DNAAF10: variants seen among roughly 807,000 people sequenced by gnomAD.
DNAAF10 encodes the protein dynein axonemal assembly factor 10.
Under a neutral mutation model 43.7 loss-of-function variants are expected in DNAAF10, and 28 were observed. The ratio of observed to expected loss-of-function variants is 0.64; its 90% CI spans 0.48 to 0.88. DNAAF10 has a LOEUF of 0.88. DNAAF10 is among the 40% of genes least tolerant of loss of function. DNAAF10 has a pLI of 0.00. For synonymous variants in DNAAF10, 156 were observed against 157.3 expected (o/e 0.99, Z 0.06); for missense variants, 403 against 439.1 (o/e 0.92, Z 0.73).
intron 1 of DNAAF10, among the ~76,000 whole-genome samples, chr2:68,153,818 C>A (rs1246948210): frequency 7.8e-6 from 1 of 128,330 alleles, no homozygotes; most frequent in Non-Finnish European, 1.5e-5. Flanking sequence ...ATGGCGCGAT[C>A]TCGGCTCACT....
chr2:68,153,399 T>G (rs1042069151), intron 1 of DNAAF10, among the ~76,000 whole-genome samples: 1 of 149,252 alleles, frequency 6.7e-6, no homozygotes, highest in African/African-American at 2.5e-5. Context: ...GCACATGACT[T>G]AAGGGTAGAT....
chr2:68,148,442 T>C (rs981571693), intron 1 of DNAAF10, among the ~76,000 whole-genome samples: 7 of 152,238 alleles, frequency 4.6e-5, no homozygotes, highest in Admixed American at 1.3e-4. Context: ...ATCTGGTTCC[T>C]CCAAAATATA....
At chr2:68,145,883 C>A (rs889922755) in intron 2 of DNAAF10, among the ~76,000 whole-genome samples, 5 of 152,180 alleles carry the variant, frequency 3.3e-5, no homozygotes, top group Non-Finnish European at 5.9e-5. Context: ...CAATAACTTA[C>A]AGATTTTTTA....
chr2:68,140,425 G>T (rs1673150294), intron 4 of DNAAF10, among the ~76,000 whole-genome samples: 1 of 152,114 alleles, frequency 6.6e-6, no homozygotes, highest in African/African-American at 2.4e-5. Context: ...TGAAAACTCA[G>T]TCATCTTGGA....
intron 1 of DNAAF10, among the ~76,000 whole-genome samples, chr2:68,155,333 A>T (rs1028662991): frequency 6.6e-6 from 1 of 151,864 alleles, no homozygotes; most frequent in African/African-American, 2.4e-5. Flanking sequence ...CTCTACTAAA[A>T]ATACAAAAAA....
chr2:68,149,668 T>C (rs1232394594), intron 1 of DNAAF10, among the ~76,000 whole-genome samples: 1 of 152,180 alleles, frequency 6.6e-6, no homozygotes, highest in Non-Finnish European at 1.5e-5. Context: ...CCTGAAATAA[T>C]ATATTAACAG....
chr2:68,153,197 A>T (rs972971622), intron 1 of DNAAF10, among the ~76,000 whole-genome samples: 16 of 152,208 alleles, frequency 1.1e-4, no homozygotes, highest in African/African-American at 3.9e-4. Context: ...GCTCAACTGA[A>T]CACGGAGGCC....
At chr2:68,149,301 G>A (rs924552906) in intron 1 of DNAAF10, among the ~76,000 whole-genome samples, 5 of 152,144 alleles carry the variant, frequency 3.3e-5, no homozygotes, top group Non-Finnish European at 2.9e-5. Flanking sequence ...TTGTGATCTA[G>A]ATAAATTGGA....
intron 1 of DNAAF10, among the ~76,000 whole-genome samples, chr2:68,156,026 G>A (rs1673594612): frequency 6.6e-6 from 1 of 150,806 alleles, no homozygotes; most frequent in African/African-American, 2.4e-5. Flanking sequence ...AGGCTGAGGT[G>A]GGGAGGCGGA....
intron 1 of DNAAF10, among the ~76,000 whole-genome samples, chr2:68,155,604 G>A (rs1038537082): frequency 3.3e-5 from 5 of 152,144 alleles, no homozygotes; most frequent in Non-Finnish European, 7.4e-5. Flanking sequence ...GAGGCGGGAG[G>A]ATGGTTTGAG....
At chr2:68,156,713 T>C (rs1019094065) in intron 1 of DNAAF10, among the ~76,000 whole-genome samples, 2 of 152,218 alleles carry the variant, frequency 1.3e-5, no homozygotes, top group African/African-American at 4.8e-5. Flanking sequence ...CTGGAAACCT[T>C]GTCCTTTACT....
chr2:68,145,950 T>G (rs1673305433), intron 2 of DNAAF10, among the ~76,000 whole-genome samples: 1 of 152,220 alleles, frequency 6.6e-6, no homozygotes, highest in Non-Finnish European at 1.5e-5. Context: ...CCAAGATTTA[T>G]TAGTAAAACC....
At chr2:68,147,254 A>G (rs947846053) in intron 2 of DNAAF10, among the ~76,000 whole-genome samples, 5 of 152,206 alleles carry the variant, frequency 3.3e-5, no homozygotes, top group African/African-American at 7.2e-5. Context: ...AATATTATCC[A>G]AAATATCTAA....
At chr2:68,138,601 G>A (rs764018824) in intron 5 of DNAAF10, 141 bp downstream of exon 5, 11 of 645,984 alleles carry the variant, frequency 1.7e-5, no homozygotes, top group African/African-American at 7.3e-5. Context: ...ATTCTCAAAC[G>A]GATTTGGCCT....
intron 4 of DNAAF10, among the ~76,000 whole-genome samples, 165 bp from the exon 5 acceptor site, chr2:68,139,022 T>C (rs1673112709): frequency 1.3e-5 from 2 of 152,210 alleles, no homozygotes; most frequent in Non-Finnish European, 2.9e-5. Context: ...ATCAAGATTA[T>C]TAATGTGGTA....
At position 68,157,405 on chromosome 2, in the gene DNAAF10, G is replaced by T. The variant is rs1431107146; in HGVS notation, c.39C>A (p.Ile13=). 1 of 1,614,188 alleles carries T rather than the reference G, an allele frequency of 6.2e-7. No homozygotes were observed. Among genetic ancestry groups the T allele is most frequent in the Admixed American group, 1.7e-5 (1 of 60,016 alleles). ...ACACCGTGTAGTTGAAGCCCTTCTG[G>T]ATATGGGCGATGATCTGAGGCTTCT... ...AFEKPQIIAH[I]QKGFNYTVFD... is the part of the protein sequence containing the mutation. The change falls in exon 1 of 8, where the codon ATC becomes ATA. Residue 13 remains isoleucine (I), a synonymous_variant. Transcript: ENST00000295121.
At chr2:68,156,194 C>T (rs947349968) in intron 1 of DNAAF10, among the ~76,000 whole-genome samples, 5 of 151,328 alleles carry the variant, frequency 3.3e-5, no homozygotes, top group African/African-American at 1.2e-4. Flanking sequence ...AAAAATAAGC[C>T]ATGTTTCATG....
At chr2:68,145,252 A>C (rs1248680315) in intron 2 of DNAAF10, among the ~76,000 whole-genome samples, 4 of 151,966 alleles carry the variant, frequency 2.6e-5, no homozygotes, top group African/African-American at 7.2e-5. Flanking sequence ...GGAAAAAAAC[A>C]ACCATGTATC....
intron 6 of DNAAF10, among the ~76,000 whole-genome samples, chr2:68,136,963 C>A (rs973275836): frequency 6.6e-6 from 1 of 151,932 alleles, no homozygotes; most frequent in African/African-American, 2.4e-5. Flanking sequence ...AAATATATAA[C>A]CAGGTATTAG....
Sources: gnomAD v4.1 joint callset for allele counts (sites outside exome capture counted in the v4.1 genomes callset) on GRCh38, gnomAD v4.1.1 for gene constraint, MANE v1.5 for transcripts, NCBI Gene and HGNC (gene_info 2026-07-23, HGNC 2026-07-21) for gene names.